Variants in LUC7L3 observed in about 807,000 individuals in gnomAD.
LUC7L3 encodes the protein LUC7 like 3 pre-mRNA splicing factor.
A neutral mutation model predicts 66.8 loss-of-function variants in LUC7L3; 6 were observed. The ratio of observed to expected loss-of-function variants is 0.09; its 90% CI spans 0.05 to 0.18. The LOEUF (loss-of-function observed/expected upper bound fraction) is 0.18. Among genes scored for constraint, LUC7L3 ranks in the 10% least tolerant of loss-of-function variants. LUC7L3 has a pLI of 1.00. For synonymous variants in LUC7L3, 160 were observed against 174.7 expected, an observed-to-expected ratio of 0.92 and a Z score of 0.66; for missense variants, 341 against 531.1, an observed-to-expected ratio of 0.64 and a Z score of 3.52.
At chr17:50,738,765 A>C (rs1191738098) in intron 2 of LUC7L3, among the ~76,000 whole-genome samples, 1 of 152,150 alleles carries the variant, frequency 6.6e-6, no homozygotes, top group Non-Finnish European at 1.5e-5. Flanking sequence ...AGCAGAGGGA[A>C]TTGCTTAAGA....
At chr17:50,736,475 T>C (rs929873725) in intron 1 of LUC7L3, among the ~76,000 whole-genome samples, 1 of 152,222 alleles carries the variant, frequency 6.6e-6, no homozygotes, top group Non-Finnish European at 1.5e-5. Context: ...GCACCTGTAG[T>C]TGTAGTTACT....
At chr17:50,741,562 A>G in intron 4 of LUC7L3, 95 bp from the exon 5 acceptor site, 4 of 702,992 alleles carry the variant, frequency 5.7e-6, no homozygotes, top group Non-Finnish European at 7.1e-6. Flanking sequence ...AAGCATTTTA[A>G]TTATTAAATA....
chr17:50,749,735 G>A (rs996964040), intron 9 of LUC7L3, among the ~76,000 whole-genome samples: 4 of 152,154 alleles, frequency 2.6e-5, no homozygotes, highest in Non-Finnish European at 5.9e-5. Flanking sequence ...TTTGTTGGGG[G>A]AATACTTGGA....
At chr17:50,731,688 A>T (rs761739010) in intron 1 of LUC7L3, among the ~76,000 whole-genome samples, 9 of 152,142 alleles carry the variant, frequency 5.9e-5, no homozygotes, top group Admixed American at 1.3e-4. Context: ...TGGAAGGAAC[A>T]CTCAGAACTG....
intron 1 of LUC7L3, among the ~76,000 whole-genome samples, chr17:50,724,804 C>T (rs1369178752): frequency 6.7e-6 from 1 of 148,338 alleles, no homozygotes; most frequent in African/African-American, 2.5e-5. Flanking sequence ...CTCTGTTGCC[C>T]AGGTTGGAGT....
intron 1 of LUC7L3, among the ~76,000 whole-genome samples, chr17:50,728,418 T>C (rs1231277852): frequency 6.6e-6 from 1 of 152,208 alleles, no homozygotes; most frequent in East Asian, 1.9e-4. Flanking sequence ...AAAAATTATT[T>C]CTTTGGGGGT....
intron 1 of LUC7L3, among the ~76,000 whole-genome samples, chr17:50,733,248 G>GTT (rs57619229): frequency 0.045 from 6,471 of 144,448 alleles, 489 homozygotes; most frequent in African/African-American, 0.15. Flanking sequence ...GTAAAACTTT[G>GTT]TTTTTTTTTT....
intron 2 of LUC7L3, among the ~76,000 whole-genome samples, chr17:50,739,436 G>A (rs11657846): frequency 6.6e-6 from 1 of 152,028 alleles, no homozygotes; most frequent in Non-Finnish European, 1.5e-5. Flanking sequence ...CAGATCACTC[G>A]AGGTGAGGAG....
In LUC7L3 at chr17:50,752,901, A is replaced by C. The variant is rs1200894010; in HGVS notation, c.*2240A>C. On this transcript the variant is annotated 3_prime_UTR_variant, in exon 10 of 10. Transcript: ENST00000505658. The stretch of plus-strand genomic sequence containing the variant: ...TAATAGCAAAGATGTGCAGTGAACT[A>C]GAATATATTTTTACATCCCTGAGAG... 1 of 152,176 alleles carries C rather than the reference A, an allele frequency of 6.6e-6. No individual in the cohort carries two copies. The highest frequency in any genetic ancestry group is 1.5e-5 in the Non-Finnish European group (1 of 68,028). 9.4% of individuals were successfully genotyped at this position (152,176 alleles called of 1,614,324 possible). A position where few individuals can be genotyped will look rare whatever the true frequency, so the allele number is the denominator to read the frequency against.
chr17:50,744,642 A>G lies in LUC7L3; in HGVS notation c.532-10A>G. 1 of 1,602,664 alleles carries G rather than the reference A, an allele frequency of 6.2e-7. No individual in the cohort carries two copies. Among genetic ancestry groups the G allele is most frequent in the South Asian group, 1.1e-5 (1 of 88,618 alleles). On this transcript the variant is annotated splice_polypyrimidine_tract_variant and intron_variant, in intron 6 of 9. Coordinates refer to ENST00000505658, the MANE Select transcript of LUC7L3 (RefSeq NM_016424.5). ...CAGATGTTCTTAAAATAACTGATTT[A>G]TCATTTTAGACAATTGAAAGCTTTG... is the stretch of plus-strand genomic sequence containing the variant.
At position 50,751,625 on chromosome 17, in the gene LUC7L3, T is replaced by C. The variant is rs542206430; in HGVS notation, c.*964T>C. On this transcript the variant is annotated 3_prime_UTR_variant, in exon 10 of 10. Transcript: ENST00000505658. Reference sequence around the variant, plus strand: ...AATAAACACTTCATATTATTCGCCTTGTTACACTCAATGCAATTCTCAAGT... The same window carrying C: ...AATAAACACTTCATATTATTCGCCTCGTTACACTCAATGCAATTCTCAAGT... 8.9e-7 allele frequency: 1 copy of C among 1,128,952 alleles called. No individual in the cohort carries two copies. Among genetic ancestry groups the C allele is most frequent in the South Asian group, 2.0e-5 (1 of 50,838 alleles). The allele number at this position is 1,128,952 out of a possible 1,614,324, so 69.9% of individuals were successfully genotyped here.
rs747260658 is a variant in LUC7L3 at position 50,741,159 on chromosome 17, C to T, written c.264C>T (p.Tyr88=). The T allele has an allele frequency of 2.5e-6, 4 of 1,613,972 alleles. No homozygotes were observed. The highest frequency in any genetic ancestry group is 1.6e-4 in the Middle Eastern group (1 of 6,084). The change falls in exon 4 of 10, where the codon TAC becomes TAT. Residue 88 remains tyrosine, a synonymous_variant. Transcript: ENST00000505658. The stretch of plus-strand genomic sequence containing the variant: ...GCTATGAGAGAGATTTTTTGCGATA[C>T]TTACAGAGCTTACTTGCAGAAGTAG... ...KVGYERDFLR[Y]LQSLLAEVER...
chr17:50,740,753 T>A (rs1425464206), intron 3 of LUC7L3, among the ~76,000 whole-genome samples: 1 of 152,130 alleles, frequency 6.6e-6, no homozygotes, highest in Admixed American at 6.5e-5. Flanking sequence ...AGAGACAGGG[T>A]TTCACCATGT....
intron 9 of LUC7L3, chr17:50,749,238 GGACT>G: frequency 1.6e-6 from 2 of 1,289,064 alleles, no homozygotes; most frequent in Non-Finnish European, 2.0e-6. Context: ...TAAGATTATT[GGACT>G]GACTACTAGT....
At chr17:50,726,956 GCC>G (rs1260890633) in intron 1 of LUC7L3, among the ~76,000 whole-genome samples, 1 of 152,056 alleles carries the variant, frequency 6.6e-6, no homozygotes, top group African/African-American at 2.4e-5. Flanking sequence ...AGGCGTTGTG[GCC>G]GGTGCTTGTA....
rs1037658908 is a variant in LUC7L3 at position 50,756,181 on chromosome 17, T to C, written c.*5520T>C. 3 of 151,340 alleles carry C rather than the reference T, an allele frequency of 2.0e-5. No homozygotes were observed. The highest frequency in any genetic ancestry group is 4.4e-5 in the Non-Finnish European group (3 of 67,954). 9.4% of individuals were successfully genotyped at this position (151,340 alleles called of 1,614,324 possible). ...TGTTTATGTGCTTTTGTATGTATGATATTTCTTAATAAAATTTAAAAAGAA... is the reference window on the plus strand; with the variant it reads ...TGTTTATGTGCTTTTGTATGTATGACATTTCTTAATAAAATTTAAAAAGAA... On this transcript the variant is annotated 3_prime_UTR_variant, in exon 10 of 10. Transcript: ENST00000505658.
In LUC7L3 at chr17:50,750,786, G is replaced by A. The variant is rs757747395; in HGVS notation, c.*125G>A. 6.3e-6 allele frequency: 10 copies of A among 1,575,360 alleles called. No individual in the cohort carries two copies. The highest frequency in any genetic ancestry group is 1.7e-4 in the Middle Eastern group (1 of 6,048). ...GCACAGATGAAGATGGAACTAAGCC[G>A]AGTAAGAAGACATACAAAAGCCTCT... On this transcript the variant is annotated 3_prime_UTR_variant, in exon 10 of 10. Coordinates refer to ENST00000505658, the MANE Select transcript of LUC7L3 (RefSeq NM_016424.5).
rs910800335 is a variant in LUC7L3, at chr17:50,754,645, C to T, written c.*3984C>T. On this transcript the variant is annotated 3_prime_UTR_variant, in exon 10 of 10. Coordinates refer to ENST00000505658, the MANE Select transcript of LUC7L3 (RefSeq NM_016424.5). ...CATATCATGCTCCTTTTTGTTAAAA[C>T]GTTTTTTTTTCCCCTTCAAACACAG... The T allele has an allele frequency of 2.0e-5, 3 of 152,052 alleles. No homozygotes were observed. The highest frequency in any genetic ancestry group is 7.2e-5 in the African/African-American group (3 of 41,408). 9.4% of individuals were successfully genotyped at this position (152,052 alleles called of 1,614,324 possible).
chr17:50,745,967 A>T lies in LUC7L3; in HGVS notation c.941A>T (p.His314Leu). The T allele has an allele frequency of 6.2e-7, 1 of 1,606,472 alleles. No homozygotes were observed. The highest frequency in any genetic ancestry group is 1.1e-5 in the South Asian group (1 of 89,214). ...AGAAGATGCAGCAGGTCTCGGGACC[A>T]CAAAAGGTCACGAAGTAGAGAAAGA... is the stretch of plus-strand genomic sequence containing the variant. ...SDRRCSRSRD[H>L]KRSRSRERRR... The change falls in exon 8 of 10, where the codon CAC (histidine) becomes CTC (leucine). Residue 314 changes from histidine (H) to leucine (L), a missense_variant. Physicochemically the swap from His to Leu is moderately conservative, Grantham distance 99 (BLOSUM62 -3). This residue lies in a region of LUC7L3 where 210 missense variants were observed against 238.1 expected (regional missense o/e 0.88). Transcript: ENST00000505658.
Sources: allele counts gnomAD v4.1 joint callset (sites outside exome capture counted in the v4.1 genomes callset), GRCh38; gene constraint gnomAD v4.1.1; regional missense constraint gnomAD v4.1.1; transcripts MANE v1.5; gene names NCBI Gene and HGNC (gene_info 2026-07-23, HGNC 2026-07-21).